The following HNRNPK variants were observed in gnomAD, a reference collection of about 807,000 sequenced individuals.
The protein encoded by HNRNPK is dC-stretch binding protein.
HNRNPK carries 7 observed loss-of-function variants against 67.0 expected under a neutral mutation model. That is an observed-to-expected ratio of 0.10 (90% CI 0.06 to 0.20). The LOEUF (loss-of-function observed/expected upper bound fraction) is 0.20. Among genes scored for constraint, HNRNPK ranks in the 10% least tolerant of loss-of-function variants. The probability of loss-of-function intolerance (pLI) is 1.00; values close to 1 mark genes in which losing one functional copy is unlikely to be tolerated. For missense variants in HNRNPK, 264 were observed against 606.5 expected, an observed-to-expected ratio of 0.44 and a Z score of 5.93; for synonymous variants, 213 against 193.7, an observed-to-expected ratio of 1.10 and a Z score of -0.83.
chr9:83,974,041 G>T, intron 7 of HNRNPK, 68 bp from the exon 8 acceptor site: 1 of 983,678 alleles, frequency 1.0e-6, no homozygotes, highest in Non-Finnish European at 1.6e-6. Flanking sequence ...CGCATATATT[G>T]GTAAAGCTAC....
intron 10 of HNRNPK, among the ~76,000 whole-genome samples, chr9:83,972,482 CAT>C (rs1437594743): frequency 1.3e-5 from 2 of 152,210 alleles, no homozygotes; most frequent in African/African-American, 2.4e-5. Flanking sequence ...CCATTTTACA[CAT>C]GACAAACTAC....
intron 12 of HNRNPK, 130 bp downstream of exon 12, chr9:83,971,542 T>G (rs1956842361): frequency 8.3e-6 from 7 of 844,264 alleles, no homozygotes; most frequent in Non-Finnish European, 1.2e-5. Flanking sequence ...CAGAATTATT[T>G]AACTAGTAAT....
At chr9:83,979,842 A>G (rs1196993442) in intron 1 of HNRNPK, among the ~76,000 whole-genome samples, 4 of 152,088 alleles carry the variant, frequency 2.6e-5, no homozygotes, top group African/African-American at 4.8e-5. Context: ...TCACACAAAG[A>G]GAGCGGCGGC....
intron 10 of HNRNPK, among the ~76,000 whole-genome samples, chr9:83,972,497 T>C (rs755623830): frequency 6.6e-6 from 1 of 152,170 alleles, no homozygotes; most frequent in African/African-American, 2.4e-5. Context: ...CAAACTACAA[T>C]GCACATTTCA....
chr9:83,979,498 G>T (rs73471374), intron 1 of HNRNPK, among the ~76,000 whole-genome samples: 5,078 of 152,262 alleles, frequency 0.033, 263 homozygotes, highest in African/African-American at 0.11. Flanking sequence ...TCCACTGGCC[G>T]AGCGCCAACG....
intron 7 of HNRNPK, 23 bp downstream of exon 7, chr9:83,974,494 C>G: frequency 8.2e-7 from 1 of 1,223,458 alleles, no homozygotes; most frequent in South Asian, 1.2e-5. Flanking sequence ...TTGTCAAATA[C>G]ATTTAAAAAA....
At chr9:83,979,711 G>A (rs982458362) in intron 1 of HNRNPK, among the ~76,000 whole-genome samples, 32 of 151,546 alleles carry the variant, frequency 2.1e-4, no homozygotes, top group African/African-American at 4.8e-5. Context: ...CGGTCCCGAG[G>A]TCTCATCCCC....
intron 5 of HNRNPK, 68 bp downstream of exon 5, chr9:83,976,927 A>C (rs1957092770): frequency 4.7e-6 from 4 of 852,572 alleles, no homozygotes; most frequent in Middle Eastern, 2.5e-4. Context: ...TAGGATGTAA[A>C]TCTTTAAATT....
intron 1 of HNRNPK, 54 bp from the exon 2 acceptor site, chr9:83,978,506 A>G (rs1276022797): frequency 6.1e-6 from 3 of 488,650 alleles, no homozygotes; most frequent in Non-Finnish European, 9.2e-6. Flanking sequence ...ATTACTGAAT[A>G]TTTGTTTCCG....
intron 7 of HNRNPK, 124 bp downstream of exon 7, chr9:83,974,393 T>A: frequency 1.9e-6 from 1 of 535,840 alleles, no homozygotes. Context: ...TGTAGCAGGT[T>A]AAGATACTGC....
Position 83,971,970 on chromosome 9 carries a change from G to A in HNRNPK, c.865C>T (p.Pro289Ser). Residue 289 changes from proline to serine, a missense_variant, in exon 11 of 17, where the codon CCA (proline) becomes TCA (serine). Coordinates refer to ENST00000376263, the MANE Select transcript of HNRNPK (RefSeq NM_031263.4). ...CCTCGTCCGGGAGGAGGGGGAGGTG[G>A]TCCTCGACGAGGGCTCATATCATCA... is the stretch of plus-strand genomic sequence containing the variant. ...DYDDMSPRRG[P>S]PPPPPGRGGR... 1 of 1,606,330 alleles carries A rather than the reference G, an allele frequency of 6.2e-7. No individual in the cohort carries two copies.
At chr9:83,974,721 T>G in intron 6 of HNRNPK, 132 bp from the exon 7 acceptor site, 1 of 628,314 alleles carries the variant, frequency 1.6e-6, no homozygotes, top group Non-Finnish European at 2.8e-6. Flanking sequence ...CCATTTAAAG[T>G]AGCCTATTTA....
chr9:83,969,775 G>A (rs767086173), intron 16 of HNRNPK: 4 of 647,514 alleles, frequency 6.2e-6, no homozygotes, highest in South Asian at 5.7e-5. Context: ...GTGCCATATG[G>A]CAGACTGTGA....
chr9:83,978,784 A>C (rs1385961657), intron 1 of HNRNPK, among the ~76,000 whole-genome samples: 2 of 152,220 alleles, frequency 1.3e-5, no homozygotes, highest in Non-Finnish European at 2.9e-5. Flanking sequence ...GTTACAATGC[A>C]TCTTATTCAC....
intron 4 of HNRNPK, among the ~76,000 whole-genome samples, 156 bp downstream of exon 4, chr9:83,977,533 T>C (rs1232912972): frequency 6.6e-6 from 1 of 152,190 alleles, no homozygotes; most frequent in Non-Finnish European, 1.5e-5. Context: ...GTTAGTGGAA[T>C]AAGAAAACCA....
chr9:83,978,416 G>A lies in HNRNPK; in HGVS notation c.-71C>T, dbSNP rs572315112. ...GCAGAGCAGAACTGAAGCGTTCTGG[G>A]TCGGACCAACAACTGACACCCCAGT... On this transcript the variant is annotated 5_prime_UTR_variant, in exon 2 of 17. Transcript: ENST00000376263. The A allele has an allele frequency of 7.2e-7, 1 of 1,389,786 alleles. No homozygotes were observed. The highest frequency in any genetic ancestry group is 1.7e-5 in the South Asian group (1 of 57,326). The allele number at this position is 1,389,786 out of a possible 1,614,324, so 86.1% of individuals were successfully genotyped here. A position where few individuals can be genotyped will look rare whatever the true frequency, so the allele number is the denominator to read the frequency against.
At chr9:83,979,940 T>C (rs898583809) in intron 1 of HNRNPK, among the ~76,000 whole-genome samples, 1 of 152,160 alleles carries the variant, frequency 6.6e-6, no homozygotes, top group Non-Finnish European at 1.5e-5. Flanking sequence ...TAGAGGCACA[T>C]GCCTCACGAA....
In HNRNPK at chr9:83,972,974, TGTA is replaced by T. The variant is rs749224444; in HGVS notation, c.517-5_517-3del. On this transcript the variant is annotated splice_region_variant and splice_polypyrimidine_tract_variant and intron_variant, in intron 9 of 16. Coordinates refer to ENST00000376263, the MANE Select transcript of HNRNPK (RefSeq NM_031263.4). Reference sequence around the variant, plus strand: ...AAGCTTGATGGTGGTTTGAGTGTTCTGTAGTAAGATCATAAAAAAAAATAATAA... The same window carrying T: ...AAGCTTGATGGTGGTTTGAGTGTTCTGTAAGATCATAAAAAAAAATAATAA... 8 of 1,572,948 alleles carry T rather than the reference TGTA, an allele frequency of 5.1e-6. No individual in the cohort carries two copies. The highest frequency in any genetic ancestry group is 6.9e-6 in the Non-Finnish European group (8 of 1,160,308).
intron 15 of HNRNPK, 24 bp downstream of exon 15, chr9:83,970,713 C>A: frequency 7.7e-7 from 1 of 1,299,448 alleles, no homozygotes; most frequent in South Asian, 1.2e-5. Context: ...ATAAAATGTT[C>A]CTGGTAGTAT....
Sources: allele counts gnomAD v4.1 joint callset (sites outside exome capture counted in the v4.1 genomes callset), GRCh38; gene constraint gnomAD v4.1.1; transcripts MANE v1.5; gene names NCBI Gene and HGNC (gene_info 2026-07-23, HGNC 2026-07-21).